SIRT5: variants seen among roughly 807,000 people sequenced by gnomAD.
The protein encoded by SIRT5 is NAD-dependent protein deacylase sirtuin-5, mitochondrial.
Under a neutral mutation model 40.0 loss-of-function variants are expected in SIRT5, and 26 were observed. That is an observed-to-expected ratio of 0.65 (90% CI 0.48 to 0.90). The LOEUF (loss-of-function observed/expected upper bound fraction) is 0.90. Ranked by LOEUF, SIRT5 falls within the 40% of genes least tolerant of loss-of-function variation. The probability of loss-of-function intolerance (pLI) is 0.00; values close to 1 mark genes in which losing one functional copy is unlikely to be tolerated. For synonymous variants in SIRT5, 146 were observed against 149.1 expected, an observed-to-expected ratio of 0.98 and a Z score of 0.15; for missense variants, 401 against 402.4, an observed-to-expected ratio of 1.00 and a Z score of 0.03.
chr6:13,597,602 A>C (rs1393689081), intron 7 of SIRT5, among the ~76,000 whole-genome samples: 4 of 151,770 alleles, frequency 2.6e-5, no homozygotes, highest in Non-Finnish European at 5.9e-5. Flanking sequence ...CTGGAGTGCA[A>C]TGGTACGATC....
intron 9 of SIRT5, among the ~76,000 whole-genome samples, chr6:13,602,102 G>A (rs1762469998): frequency 6.6e-6 from 1 of 152,128 alleles, no homozygotes. Context: ...AGGCCTAAAT[G>A]AATGGAAACA....
At chr6:13,604,330 G>A (rs995577239) in intron 9 of SIRT5, 46 of 697,098 alleles carry the variant, frequency 6.6e-5, no homozygotes, top group Admixed American at 1.9e-4. Context: ...ATGACTAAGC[G>A]TAGTAATACC....
chr6:13,604,563 A>G (rs200800948), intron 9 of SIRT5: 3 of 1,582,206 alleles, frequency 1.9e-6, no homozygotes, highest in Non-Finnish European at 2.6e-6. Context: ...AGATAGAGAA[A>G]AAGAAGAAAA....
chr6:13,610,855 A>C (rs979724934), intron 9 of SIRT5, among the ~76,000 whole-genome samples: 1 of 152,180 alleles, frequency 6.6e-6, no homozygotes, highest in Non-Finnish European at 1.5e-5. Context: ...GGCAGTCACT[A>C]TTTGTATTGT....
intron 9 of SIRT5, among the ~76,000 whole-genome samples, chr6:13,603,276 C>G (rs1177973252): frequency 4.1e-5 from 2 of 49,296 alleles, no homozygotes; most frequent in African/African-American, 1.4e-4. Flanking sequence ...GACTCCGTCT[C>G]AAAAAAAAAA....
intron 4 of SIRT5, chr6:13,589,651 C>T (rs1314090534): frequency 6.6e-6 from 1 of 152,378 alleles, no homozygotes; most frequent in East Asian, 1.9e-4. Flanking sequence ...GGTGTTTTGC[C>T]TCCTGCCTGC....
intron 9 of SIRT5, among the ~76,000 whole-genome samples, chr6:13,611,225 A>G (rs1419534816): frequency 2.2e-5 from 3 of 133,756 alleles, no homozygotes; most frequent in Middle Eastern, 3.8e-3. Context: ...ATATATATAT[A>G]TATATATATA....
intron 9 of SIRT5, among the ~76,000 whole-genome samples, chr6:13,608,403 T>C (rs1184587460): frequency 6.6e-6 from 1 of 152,136 alleles, no homozygotes; most frequent in African/African-American, 2.4e-5. Flanking sequence ...CTGGCCAACA[T>C]GGCGAAACCC....
intron 7 of SIRT5, 89 bp from the exon 8 acceptor site, chr6:13,598,943 T>C: frequency 1.3e-6 from 2 of 1,507,296 alleles, no homozygotes. Flanking sequence ...CCCATCTGGA[T>C]GTACTAGGTT....
chr6:13,598,923 T>A, intron 7 of SIRT5, 109 bp from the exon 8 acceptor site: 1 of 1,296,522 alleles, frequency 7.7e-7, no homozygotes, highest in Non-Finnish European at 1.1e-6. Flanking sequence ...ATAAGAGGCA[T>A]CAGAGGTGAC....
At chr6:13,589,071 A>C (rs574508535) in intron 4 of SIRT5, 1 of 152,354 alleles carries the variant, frequency 6.6e-6, no homozygotes, top group South Asian at 2.1e-4. Context: ...ACATTCCTTC[A>C]TGGCCCTTTG....
At chr6:13,594,669 A>G (rs765832704) in intron 5 of SIRT5, among the ~76,000 whole-genome samples, 2 of 152,226 alleles carry the variant, frequency 1.3e-5, no homozygotes, top group Non-Finnish European at 2.9e-5. Flanking sequence ...TGTGACCCAC[A>G]GCCCTATTGG....
intron 6 of SIRT5, among the ~76,000 whole-genome samples, chr6:13,596,643 C>G (rs1761600435): frequency 6.6e-6 from 1 of 152,174 alleles, no homozygotes; most frequent in South Asian, 2.1e-4. Flanking sequence ...CACATCACCA[C>G]ACTCAGCTAA....
At chr6:13,597,965 A>G (rs1761823287) in intron 7 of SIRT5, among the ~76,000 whole-genome samples, 1 of 152,260 alleles carries the variant, frequency 6.6e-6, no homozygotes, top group Non-Finnish European at 1.5e-5. Context: ...TCAAATAAAT[A>G]TGGAAATGTT....
intron 9 of SIRT5, among the ~76,000 whole-genome samples, chr6:13,606,105 G>A (rs1290791328): frequency 6.6e-6 from 1 of 152,220 alleles, no homozygotes; most frequent in African/African-American, 2.4e-5. Flanking sequence ...TCTACAGCAC[G>A]TGAGCAGGTG....
intron 9 of SIRT5, among the ~76,000 whole-genome samples, chr6:13,608,786 A>G (rs1239977645): frequency 6.6e-6 from 1 of 152,020 alleles, no homozygotes; most frequent in Non-Finnish European, 1.5e-5. Flanking sequence ...ATATAAATGT[A>G]GATTAATAAT....
chr6:13,593,281 T>A (rs1005107345), intron 5 of SIRT5, among the ~76,000 whole-genome samples: 1 of 152,190 alleles, frequency 6.6e-6, no homozygotes, highest in Admixed American at 6.5e-5. Flanking sequence ...TTTGCGTGTG[T>A]GTGGTGAAGC....
chr6:13,584,306 G>A (rs1759769578), intron 3 of SIRT5, 81 bp downstream of exon 3: 1 of 1,019,176 alleles, frequency 9.8e-7, no homozygotes, highest in Admixed American at 1.8e-5. Flanking sequence ...GAATGTCTCT[G>A]TCAAATTAGG....
intron 2 of SIRT5, among the ~76,000 whole-genome samples, chr6:13,582,125 G>A (rs1303126019): frequency 6.6e-6 from 1 of 152,150 alleles, no homozygotes; most frequent in East Asian, 1.9e-4. Context: ...CAACTTGCTC[G>A]AGTACAAGTG....
Sources: gnomAD v4.1 joint callset for allele counts (sites outside exome capture counted in the v4.1 genomes callset) on GRCh38, gnomAD v4.1.1 for gene constraint, MANE v1.5 for transcripts, NCBI Gene and HGNC (gene_info 2026-07-23, HGNC 2026-07-21) for gene names.